The following GRM7 variants were observed in gnomAD, a reference collection of about 807,000 sequenced individuals.
GRM7 encodes the protein glutamate metabotropic receptor 7.
In GRM7, 35 loss-of-function variants were observed where a neutral mutation model predicts 84.5. The observed-to-expected ratio is 0.41, with a 90% CI of 0.32 to 0.55. The LOEUF is 0.55. Among genes scored for constraint, GRM7 ranks in the 20% least tolerant of loss-of-function variants. The pLI is 0.19. For missense variants in GRM7, 1,003 were observed against 1,194.6 expected, an observed-to-expected ratio of 0.84 and a Z score of 2.36; for synonymous variants, 487 against 455.1, an observed-to-expected ratio of 1.07 and a Z score of -0.89.
chr3:7,727,930 T>C (rs1290410183), intron 9 of GRM7, among the ~76,000 whole-genome samples: 1 of 152,188 alleles, frequency 6.6e-6, no homozygotes, highest in Non-Finnish European at 1.5e-5. Context: ...ATTCTGTCTT[T>C]TGCCTGTCAG....
intron 3 of GRM7, 26 bp from the exon 4 acceptor site, chr3:7,306,472 A>G (rs775318609): frequency 8.7e-6 from 14 of 1,604,276 alleles, no homozygotes; most frequent in African/African-American, 1.3e-5. Flanking sequence ...TATCATTAAT[A>G]TAACTTTCCA....
At chr3:7,002,357 A>G (rs1300864332) in intron 1 of GRM7, among the ~76,000 whole-genome samples, 1 of 152,236 alleles carries the variant, frequency 6.6e-6, no homozygotes, top group Non-Finnish European at 1.5e-5. Flanking sequence ...TACTAGAACT[A>G]TGAGCCTAAC....
chr3:6,948,085 T>C (rs1331365124), intron 1 of GRM7, among the ~76,000 whole-genome samples: 1 of 152,226 alleles, frequency 6.6e-6, no homozygotes, highest in Non-Finnish European at 1.5e-5. Context: ...AGTTATTTCT[T>C]GCCTTCTTGT....
intron 5 of GRM7, among the ~76,000 whole-genome samples, chr3:7,430,042 A>G (rs987165302): frequency 6.6e-6 from 1 of 152,172 alleles, no homozygotes; most frequent in Non-Finnish European, 1.5e-5. Flanking sequence ...AGTTCCAGCT[A>G]CTCAGAGGCT....
chr3:7,563,570 A>C (rs573069893), intron 7 of GRM7, among the ~76,000 whole-genome samples: 22 of 152,264 alleles, frequency 1.4e-4, no homozygotes, highest in African/African-American at 5.3e-4. Flanking sequence ...ATAATGGCGG[A>C]AGAATTAGGG....
chr3:6,948,773 T>C (rs993414823), intron 1 of GRM7, among the ~76,000 whole-genome samples: 5 of 152,144 alleles, frequency 3.3e-5, no homozygotes, highest in Non-Finnish European at 5.9e-5. Context: ...GGATAGTTAG[T>C]TCTTCTTGTT....
intron 1 of GRM7, among the ~76,000 whole-genome samples, chr3:6,879,054 G>A (rs906660909): frequency 6.6e-6 from 1 of 152,108 alleles, no homozygotes; most frequent in Admixed American, 6.5e-5. Flanking sequence ...ATTGGCCAAA[G>A]GTAGTCTAAA....
chr3:7,137,328 T>C (rs966065614), intron 1 of GRM7, among the ~76,000 whole-genome samples: 19 of 152,110 alleles, frequency 1.2e-4, no homozygotes, highest in African/African-American at 4.3e-4. Context: ...TTTTTTTCTA[T>C]CTTGAAAGTA....
At position 7,415,143 on chromosome 3, in the gene GRM7, A is replaced by T; in HGVS notation, c.1154A>T (p.Asp385Val). Reference sequence around the variant, plus strand: ...ACGATTAGTGGGTCAAAAAAAGAAGACACAGATCGCAAATGCACAGGTAAT... The same window carrying T: ...ACGATTAGTGGGTCAAAAAAAGAAGTCACAGATCGCAAATGCACAGGTAAT... ...KLTISGSKKE[D>V]TDRKCTGQER... Residue 385 changes from aspartate (D) to valine (V), a missense_variant, in exon 5 of 10, where the codon GAC (aspartate) becomes GTC (valine). Coordinates refer to ENST00000357716, the MANE Select transcript of GRM7 (RefSeq NM_000844.4). 1 of 1,613,180 alleles carries T rather than the reference A, an allele frequency of 6.2e-7. No homozygotes were observed. The highest frequency in any genetic ancestry group is 8.5e-7 in the Non-Finnish European group (1 of 1,179,226).
chr3:7,640,548 G>C (rs762160486), intron 8 of GRM7, among the ~76,000 whole-genome samples: 12 of 152,100 alleles, frequency 7.9e-5, no homozygotes, highest in Non-Finnish European at 1.6e-4. Context: ...GATCCATGTT[G>C]AAAATTTAAA....
At chr3:7,128,324 A>G (rs6766686) in intron 1 of GRM7, among the ~76,000 whole-genome samples, 46,138 of 151,324 alleles carry the variant, frequency 0.3, 9,237 homozygotes, top group African/African-American at 0.58. Flanking sequence ...ATGAATATAA[A>G]CATGACTCAA....
At chr3:7,698,140 G>A (rs1292319899) in intron 9 of GRM7, among the ~76,000 whole-genome samples, 7 of 152,174 alleles carry the variant, frequency 4.6e-5, no homozygotes, top group Non-Finnish European at 8.8e-5. Context: ...ATTATACATT[G>A]ACTTATGCCA....
chr3:7,699,987 A>C (rs2125157734), intron 9 of GRM7, among the ~76,000 whole-genome samples: 1 of 152,278 alleles, frequency 6.6e-6, no homozygotes, highest in East Asian at 1.9e-4. Context: ...TCTGTAAGCA[A>C]GTTATTTCAA....
chr3:6,873,297 T>C (rs1298515803), intron 1 of GRM7, among the ~76,000 whole-genome samples: 1 of 152,178 alleles, frequency 6.6e-6, no homozygotes, highest in Non-Finnish European at 1.5e-5. Flanking sequence ...GGTCCCGAAC[T>C]CCTGACCTCA....
At chr3:7,563,517 C>T (rs879927130) in intron 7 of GRM7, among the ~76,000 whole-genome samples, 4 of 152,036 alleles carry the variant, frequency 2.6e-5, no homozygotes, top group Non-Finnish European at 4.4e-5. Context: ...AGAGAAAGAC[C>T]ATTTCAGCTT....
chr3:7,440,223 C>G (rs891086970), intron 5 of GRM7, among the ~76,000 whole-genome samples: 3 of 152,264 alleles, frequency 2.0e-5, no homozygotes, highest in Non-Finnish European at 4.4e-5. Context: ...TAGGAAAATG[C>G]AGGTGAACTT....
At chr3:7,532,267 G>A (rs1025211971) in intron 7 of GRM7, among the ~76,000 whole-genome samples, 4 of 151,996 alleles carry the variant, frequency 2.6e-5, no homozygotes, top group African/African-American at 9.7e-5. Flanking sequence ...TTTTTTGTTT[G>A]GTAGGTTATT....
chr3:7,356,687 A>C (rs1438706344), intron 4 of GRM7, among the ~76,000 whole-genome samples: 2 of 152,078 alleles, frequency 1.3e-5, no homozygotes, highest in Non-Finnish European at 2.9e-5. Flanking sequence ...CATCCATGTT[A>C]TCAGAGTCTT....
chr3:7,103,841 C>CCT (rs1448002551), intron 1 of GRM7, among the ~76,000 whole-genome samples: 10 of 69,916 alleles, frequency 1.4e-4, no homozygotes, highest in African/African-American at 8.6e-4. Flanking sequence ...TCTCTCTCTC[C>CCT]CTCTCTCTCT....
Sources: allele counts gnomAD v4.1 joint callset (sites outside exome capture counted in the v4.1 genomes callset), GRCh38; gene constraint gnomAD v4.1.1; transcripts MANE v1.5; gene names NCBI Gene and HGNC (gene_info 2026-07-23, HGNC 2026-07-21).